The following GNAQ variants were observed in gnomAD, a reference collection of about 807,000 sequenced individuals.
GNAQ encodes guanine nucleotide-binding protein G(q) subunit alpha.
A neutral mutation model predicts 43.9 loss-of-function variants in GNAQ; 8 were observed. That is an observed-to-expected ratio of 0.18 (90% confidence interval 0.11 to 0.33). The LOEUF is 0.33. Ranked by LOEUF, GNAQ falls within the 10% of genes least tolerant of loss-of-function variation. The probability of loss-of-function intolerance (pLI) is 1.00; values close to 1 mark genes in which losing one functional copy is unlikely to be tolerated. For missense variants in GNAQ, 158 were observed against 450.8 expected (o/e 0.35, Z 5.88); for synonymous variants, 155 against 170.7 (o/e 0.91, Z 0.71).
In GNAQ at chr9:77,776,272, G is replaced by A. The variant is rs113293028; in HGVS notation, c.735+18191C>T. Among the ~76,000 whole-genome samples, 39 of 152,240 alleles carry A rather than the reference G, an allele frequency of 2.6e-4. 3 individuals carry two copies. The highest frequency in any genetic ancestry group is 1.0e-3 in the South Asian group (5 of 4,828). ...TATTAAATGTAAATGAACTAAATACGTTAGTCAATAGACAGAGATAGGCAA... is the reference window on the plus strand; with the variant it reads ...TATTAAATGTAAATGAACTAAATACATTAGTCAATAGACAGAGATAGGCAA... On this transcript the variant is annotated intron_variant, in intron 5 of 6. Coordinates refer to ENST00000286548, the MANE Select transcript of GNAQ (RefSeq NM_002072.5).
At chr9:77,871,346 A>T (rs1352768251) in intron 2 of GNAQ, among the ~76,000 whole-genome samples, 1 of 152,218 alleles carries the variant, frequency 6.6e-6, no homozygotes, top group East Asian at 1.9e-4. Context: ...CTCATTACTT[A>T]GGATCCAGGG....
chr9:77,787,308 T>C lies in GNAQ; in HGVS notation c.735+7155A>G, dbSNP rs375924575. ...ACCTGAGTGAATAGTGGCTACCTGG[T>C]AGGAGAGGGCACTTGCAGGCATCAA... On this transcript the variant is annotated intron_variant, in intron 5 of 6. Coordinates refer to ENST00000286548, the MANE Select transcript of GNAQ (RefSeq NM_002072.5). 2.9e-4 allele frequency among the ~76,000 whole-genome samples: 44 copies of C among 152,278 alleles called. No homozygotes were observed. The East Asian group carries it at 7.9e-3, about 27-fold the overall frequency.
chr9:77,969,830 C>T (rs763487514), intron 1 of GNAQ, among the ~76,000 whole-genome samples: 81 of 152,196 alleles, frequency 5.3e-4, no homozygotes, highest in Non-Finnish European at 1.0e-3. Flanking sequence ...AAAGTGTTGT[C>T]TTAATTTCAG....
intron 5 of GNAQ, among the ~76,000 whole-genome samples, chr9:77,783,879 C>T (rs949149455): frequency 2.6e-5 from 4 of 151,938 alleles, no homozygotes; most frequent in Admixed American, 2.6e-4. Context: ...ACAATGTGGG[C>T]AACATAGCAA....
At chr9:77,889,271 G>C (rs187886943) in intron 2 of GNAQ, among the ~76,000 whole-genome samples, 47 of 151,602 alleles carry the variant, frequency 3.1e-4, no homozygotes, top group African/African-American at 1.1e-3. Context: ...AGCCGGGTGT[G>C]GTGGTGCGTG....
chr9:77,969,708 T>C (rs1469926672), intron 1 of GNAQ, among the ~76,000 whole-genome samples: 4 of 152,210 alleles, frequency 2.6e-5, no homozygotes, highest in African/African-American at 9.6e-5. Flanking sequence ...TTCAACACTA[T>C]GGATTTTCCA....
In GNAQ at chr9:77,888,281, A is replaced by G. The variant is rs79215228; in HGVS notation, c.321+33880T>C. On this transcript the variant is annotated intron_variant, in intron 2 of 6. Transcript: ENST00000286548. ...TTTAAGTATATAAAGAGGTGCTAAG[A>G]TTAAAACATTTGAGAATCCTCATTC... 4.7e-3 allele frequency among the ~76,000 whole-genome samples: 720 copies of G among 152,350 alleles called. 5 individuals carry two copies. Among genetic ancestry groups the G allele is most frequent in the African/African-American group, 0.016 (667 of 41,574 alleles).
intron 2 of GNAQ, among the ~76,000 whole-genome samples, chr9:77,822,145 A>G (rs1827127946): frequency 6.6e-6 from 1 of 152,164 alleles, no homozygotes; most frequent in African/African-American, 2.4e-5. Flanking sequence ...TGAGCCTAGC[A>G]TTGGGGATAT....
At chr9:77,948,517 G>C (rs545341664) in intron 1 of GNAQ, among the ~76,000 whole-genome samples, 1 of 151,828 alleles carries the variant, frequency 6.6e-6, no homozygotes, top group African/African-American at 2.4e-5. Flanking sequence ...AGGACACAGA[G>C]GGGGGGCAGA....
chr9:77,736,337 T>C (rs1587890157), intron 5 of GNAQ, among the ~76,000 whole-genome samples: 1 of 152,074 alleles, frequency 6.6e-6, no homozygotes, highest in Non-Finnish European at 1.5e-5. Flanking sequence ...GAGAAATAAT[T>C]AAAGACAGGT....
chr9:77,720,366 A>C lies in GNAQ; in HGVS notation c.*957T>G, dbSNP rs1825290983. The C allele has an allele frequency of 4.3e-6, 1 of 233,440 alleles. No individual in the cohort carries two copies. Among genetic ancestry groups the C allele is most frequent in the Non-Finnish European group, 8.5e-6 (1 of 117,992 alleles). The allele number at this position is 233,440 out of a possible 1,614,324, so 14.5% of individuals were successfully genotyped here. ...AAAAGTCATTTTAAAATCGTGGCCCAAACACCAAGAAAAAAAAGAAAGGAA... is the reference window on the plus strand; with the variant it reads ...AAAAGTCATTTTAAAATCGTGGCCCCAACACCAAGAAAAAAAAGAAAGGAA... On this transcript the variant is annotated 3_prime_UTR_variant, in exon 7 of 7. Coordinates refer to ENST00000286548, the MANE Select transcript of GNAQ (RefSeq NM_002072.5).
At chr9:77,928,641 A>G (rs1829102433) in intron 1 of GNAQ, among the ~76,000 whole-genome samples, 1 of 152,224 alleles carries the variant, frequency 6.6e-6, no homozygotes, top group Non-Finnish European at 1.5e-5. Context: ...TGCCCGTAGT[A>G]AACATTTGTG....
At chr9:77,730,461 A>AAT (rs1231784511) in intron 5 of GNAQ, among the ~76,000 whole-genome samples, 6 of 152,138 alleles carry the variant, frequency 3.9e-5, no homozygotes, top group Admixed American at 3.9e-4. Flanking sequence ...CTGGATCCTG[A>AAT]ATATGTCTTC....
At chr9:77,911,916 T>C (rs1229504414) in intron 2 of GNAQ, among the ~76,000 whole-genome samples, 1 of 152,196 alleles carries the variant, frequency 6.6e-6, no homozygotes, top group Non-Finnish European at 1.5e-5. Flanking sequence ...AAAAGTCCTT[T>C]TACTAAGCTA....
At chr9:77,785,974 G>A (rs1222163264) in intron 5 of GNAQ, among the ~76,000 whole-genome samples, 2 of 152,088 alleles carry the variant, frequency 1.3e-5, no homozygotes, top group African/African-American at 4.8e-5. Flanking sequence ...CTTTTATACT[G>A]GTATAGCAGA....
chr9:77,788,233 G>C (rs1028883066), intron 5 of GNAQ, among the ~76,000 whole-genome samples: 1 of 152,078 alleles, frequency 6.6e-6, no homozygotes, highest in Non-Finnish European at 1.5e-5. Context: ...GCAAGACTAG[G>C]AAAAGGTAAT....
intron 2 of GNAQ, among the ~76,000 whole-genome samples, chr9:77,846,324 C>A (rs934865313): frequency 6.6e-6 from 1 of 152,180 alleles, no homozygotes; most frequent in Admixed American, 6.5e-5. Context: ...GAGGGGCAAG[C>A]GCTTTCCGCC....
chr9:77,863,414 C>T (rs184760643), intron 2 of GNAQ, among the ~76,000 whole-genome samples: 4 of 152,242 alleles, frequency 2.6e-5, no homozygotes, highest in Admixed American at 2.6e-4. Context: ...CATCTGAGAC[C>T]ACCTCAGCGT....
chr9:77,822,282 A>T (rs1176504734), intron 2 of GNAQ, among the ~76,000 whole-genome samples: 4 of 152,084 alleles, frequency 2.6e-5, no homozygotes, highest in African/African-American at 9.7e-5. Flanking sequence ...CTAACAACCA[A>T]CTGTAGGTTG....
Sources: allele counts gnomAD v4.1 joint callset (sites outside exome capture counted in the v4.1 genomes callset), GRCh38; gene constraint gnomAD v4.1.1; transcripts MANE v1.5; gene names NCBI Gene and HGNC (gene_info 2026-07-23, HGNC 2026-07-21).